Variants in PHYH observed in about 807,000 individuals in gnomAD.
PHYH encodes the protein phytanoyl-CoA dioxygenase, peroxisomal.
A neutral mutation model predicts 38.5 loss-of-function variants in PHYH; 32 were observed. The ratio of observed to expected loss-of-function variants is 0.83; its 90% CI spans 0.63 to 1.12. The LOEUF (loss-of-function observed/expected upper bound fraction) is 1.12. Among genes scored for constraint, PHYH ranks in the 50% most tolerant of loss-of-function variants. The pLI is 0.00. For synonymous variants in PHYH, 166 were observed against 157.9 expected (o/e 1.05, Z -0.38); for missense variants, 426 against 434.8 (o/e 0.98, Z 0.18).
chr10:13,288,302 G>A, intron 6 of PHYH, 58 bp downstream of exon 6: 1 of 1,473,048 alleles, frequency 6.8e-7, no homozygotes, highest in South Asian at 1.1e-5. Flanking sequence ...AGGTACTGAT[G>A]TGAAACAGAA....
chr10:13,288,378 G>T lies in PHYH; in HGVS notation c.660C>A (p.His220Gln), dbSNP rs774107404. The change falls in exon 6 of 9, where the codon CAC (histidine) becomes CAA (glutamine). Residue 220 changes from histidine (H) to glutamine (Q), a missense_variant. Physicochemically the swap from His to Gln is conservative, Grantham distance 24. Transcript: ENST00000263038. The stretch of plus-strand genomic sequence containing the variant: ...GACCTACCTCCCACTTGGGGTAATC[G>T]TGGGGCTTCAGGGAGCCCTTGTGTG... Reference protein sequence around the residue: ...PGTHKGSLKPHDYPKWEGGVN... With the variant: ...PGTHKGSLKPQDYPKWEGGVN... 2 of 1,613,878 alleles carry T rather than the reference G, an allele frequency of 1.2e-6. No individual in the cohort carries two copies. The highest frequency in any genetic ancestry group is 1.7e-6 in the Non-Finnish European group (2 of 1,179,998).
intron 7 of PHYH, among the ~76,000 whole-genome samples, chr10:13,281,507 A>G (rs958746534): frequency 2.0e-5 from 3 of 152,108 alleles, no homozygotes; most frequent in African/African-American, 4.8e-5. Context: ...ACCTGGTCCA[A>G]TTTGGGATGA....
At chr10:13,292,670 C>T (rs1835740729) in intron 4 of PHYH, among the ~76,000 whole-genome samples, 1 of 152,098 alleles carries the variant, frequency 6.6e-6, no homozygotes, top group South Asian at 2.1e-4. Flanking sequence ...CGTTAGCGCA[C>T]ACCTGTAATC....
At chr10:13,281,589 C>T (rs1159227564) in intron 7 of PHYH, among the ~76,000 whole-genome samples, 1 of 151,984 alleles carries the variant, frequency 6.6e-6, no homozygotes, top group Non-Finnish European at 1.5e-5. Context: ...ATGCAGACAC[C>T]TTCTCTCAAA....
chr10:13,290,466 G>A (rs369919989), intron 5 of PHYH, among the ~76,000 whole-genome samples: 4 of 152,182 alleles, frequency 2.6e-5, no homozygotes, highest in East Asian at 1.9e-4. Flanking sequence ...ACCTGGTAAT[G>A]CTAAGCTGCC....
intron 1 of PHYH, 75 bp from the exon 2 acceptor site, chr10:13,298,320 A>C: frequency 1.1e-6 from 1 of 891,612 alleles, no homozygotes; most frequent in South Asian, 1.3e-5. Context: ...TAATTCCAGC[A>C]CTTTGGGAGG....
chr10:13,278,400 T>G, intron 8 of PHYH, 46 bp from the exon 9 acceptor site: 1 of 1,317,102 alleles, frequency 7.6e-7, no homozygotes, highest in Non-Finnish European at 1.1e-6. Flanking sequence ...CACTTCAATC[T>G]GCCCTCCATT....
Position 13,294,544 on chromosome 10 carries a change from C to A in PHYH, c.298G>T (p.Val100Leu), listed in dbSNP as rs753555104. Reference sequence around the variant, plus strand: ...TTCGAAATGGTCACATCTCTCATTACTGTTAATCCTAATGGTTTCACCTCC... The same window carrying A: ...TTCGAAATGGTCACATCTCTCATTAATGTTAATCCTAATGGTTTCACCTCC... ...RKEVKPLGLT[V>L]MRDVTISKSE... Residue 100 changes from valine (V) to leucine (L), a missense_variant, in exon 4 of 9, where the codon GTA becomes TTA. Val to Leu is a conservative substitution (Grantham distance 32, BLOSUM62 1). Transcript: ENST00000263038. The A allele has an allele frequency of 6.2e-7, 1 of 1,613,698 alleles. No individual in the cohort carries two copies. The highest frequency in any genetic ancestry group is 8.5e-7 in the Non-Finnish European group (1 of 1,179,684).
Position 13,288,529 on chromosome 10 carries a change from G to A in PHYH, c.509C>T (p.Ser170Phe). The A allele has an allele frequency of 6.2e-7, 1 of 1,614,076 alleles. No individual in the cohort carries two copies. The highest frequency in any genetic ancestry group is 8.5e-7 in the Non-Finnish European group (1 of 1,180,022). The stretch of plus-strand genomic sequence containing the variant: ...CAGGTCCTGGTGCAGGGGGTGACGG[G>A]ACGTCTTCTTGCCTGAAAAGAAAAC... ...NKPPDSGKKTSRHPLHQDLHY... is the reference protein window; with the variant it reads ...NKPPDSGKKTFRHPLHQDLHY... The change falls in exon 6 of 9, where the codon TCC (serine) becomes TTC (phenylalanine). Residue 170 changes from serine to phenylalanine, a missense_variant. Physicochemically the swap from Ser to Phe is radical, Grantham distance 155. Coordinates refer to ENST00000263038, the MANE Select transcript of PHYH (RefSeq NM_006214.4).
chr10:13,281,342 A>G (rs988589894), intron 7 of PHYH, among the ~76,000 whole-genome samples: 1 of 151,638 alleles, frequency 6.6e-6, no homozygotes, highest in Non-Finnish European at 1.5e-5. Flanking sequence ...TGTGACATGT[A>G]TTTTTGAAAG....
At chr10:13,283,593 T>G in intron 7 of PHYH, 97 bp downstream of exon 7, 1 of 1,296,864 alleles carries the variant, frequency 7.7e-7, no homozygotes, top group Non-Finnish European at 1.1e-6. Flanking sequence ...GCAATTTAAT[T>G]AAAATTTTAT....
Position 13,278,082 on chromosome 10 carries a change from C to T in PHYH, c.*219G>A, listed in dbSNP as rs1588504270. The T allele has an allele frequency of 1.9e-6, 1 of 532,552 alleles. No individual in the cohort carries two copies. The highest frequency in any genetic ancestry group is 2.0e-5 in the African/African-American group (1 of 50,768). 33.0% of individuals were successfully genotyped at this position (532,552 alleles called of 1,614,324 possible). The stretch of plus-strand genomic sequence containing the variant: ...TTGGCTGCCACCCTAAATTAGTTTT[C>T]CTTAAAACAGTAATATTTCACTTTT... On this transcript the variant is annotated 3_prime_UTR_variant, in exon 9 of 9. Coordinates refer to ENST00000263038, the MANE Select transcript of PHYH (RefSeq NM_006214.4).
At chr10:13,284,746 G>A (rs1835504237) in intron 6 of PHYH, among the ~76,000 whole-genome samples, 1 of 152,174 alleles carries the variant, frequency 6.6e-6, no homozygotes, top group African/African-American at 2.4e-5. Flanking sequence ...TTTAGGTAAT[G>A]CGGTTATGTC....
rs1184992193 is a variant in PHYH, at chr10:13,298,915, G to A, written c.76-670C>T. Reference sequence around the variant, plus strand: ...CAGCCTGACCACAGAGCAAGACTCCGTCTCAAAAATAATAATAATAATAAT... The same window carrying A: ...CAGCCTGACCACAGAGCAAGACTCCATCTCAAAAATAATAATAATAATAAT... On this transcript the variant is annotated intron_variant, in intron 1 of 8. Coordinates refer to ENST00000263038, the MANE Select transcript of PHYH (RefSeq NM_006214.4). Among the ~76,000 whole-genome samples the A allele has an allele frequency of 7.9e-5, 5 of 63,600 alleles. No homozygotes were observed. The East Asian group carries it at 4.0e-3, about 51-fold the overall frequency. 41.7% of individuals were successfully genotyped at this position (63,600 alleles called of 152,430 possible). A position where few individuals can be genotyped will look rare whatever the true frequency, so the allele number is the denominator to read the frequency against.
chr10:13,297,278 A>G lies in PHYH; in HGVS notation c.134+909T>C, dbSNP rs79225554. On this transcript the variant is annotated intron_variant, in intron 2 of 8. Coordinates refer to ENST00000263038, the MANE Select transcript of PHYH (RefSeq NM_006214.4). ...CAAGAAGGTAAAGTAACAAAATCCA[A>G]ATAAATGTACAGCATACCCATAAAC... Among the ~76,000 whole-genome samples, 1,167 of 152,322 alleles carry G rather than the reference A, an allele frequency of 7.7e-3. 11 individuals are homozygous for G. Among genetic ancestry groups the G allele is most frequent in the African/African-American group, 0.027 (1,112 of 41,570 alleles).
rs1835324398 is a variant in PHYH, at chr10:13,277,889, T to C, written c.*412A>G. 3.4e-6 allele frequency: 1 copy of C among 297,362 alleles called. No homozygotes were observed. Among genetic ancestry groups the C allele is most frequent in the Non-Finnish European group, 6.5e-6 (1 of 154,626 alleles). 18.4% of individuals were successfully genotyped at this position (297,362 alleles called of 1,614,324 possible). ...GAATGTATTATACATTGTTCTAGAT[T>C]TGGGGGAAAAAAATCTCTTATGACA... On this transcript the variant is annotated 3_prime_UTR_variant, in exon 9 of 9. Coordinates refer to ENST00000263038, the MANE Select transcript of PHYH (RefSeq NM_006214.4).
At chr10:13,288,900 G>T (rs535484272) in intron 5 of PHYH, among the ~76,000 whole-genome samples, 1 of 117,162 alleles carries the variant, frequency 8.5e-6, no homozygotes, top group African/African-American at 3.5e-5. Context: ...CAGAGAGCGA[G>T]TCCCTGTCCC....
intron 2 of PHYH, among the ~76,000 whole-genome samples, chr10:13,296,564 G>GAAAAAA (rs1219238482): frequency 1.5e-5 from 1 of 68,272 alleles, no homozygotes. Flanking sequence ...CTCCATCTCA[G>GAAAAAA]AAAAAAAAAA....
rs147106209 is a variant in PHYH at position 13,299,451 on chromosome 10, T to C, written c.75+517A>G. 45 of 1,001,922 alleles carry C rather than the reference T, an allele frequency of 4.5e-5. No homozygotes were observed. The African/African-American group carries it at 7.3e-4, about 16-fold the overall frequency. 62.1% of individuals were successfully genotyped at this position (1,001,922 alleles called of 1,614,324 possible). On this transcript the variant is annotated intron_variant, in intron 1 of 8. Transcript: ENST00000263038. ...TCCTTCCCCAAATAGTGTCTTTATA[T>C]AACTCAGTGGCAATGCCGTAGTCCA...
Sources: allele counts gnomAD v4.1 joint callset (sites outside exome capture counted in the v4.1 genomes callset), GRCh38; gene constraint gnomAD v4.1.1; transcripts MANE v1.5; gene names NCBI Gene and HGNC (gene_info 2026-07-23, HGNC 2026-07-21).